ADAM18: variants seen among roughly 807,000 people sequenced by gnomAD.
ADAM18 encodes disintegrin and metalloproteinase domain-containing protein 18.
In ADAM18, 117 loss-of-function variants were observed where a neutral mutation model predicts 94.4. The observed-to-expected ratio is 1.24, with a 90% CI of 1.07 to 1.45. ADAM18 has a LOEUF of 1.45. Among genes scored for constraint, ADAM18 ranks in the 40% most tolerant of loss-of-function variants. The pLI is 0.00. For synonymous variants in ADAM18, 327 were observed against 291.6 expected (o/e 1.12, Z -1.24); for missense variants, 936 against 880.0 (o/e 1.06, Z -0.81).
At chr8:39,679,918 G>C in intron 15 of ADAM18, 119 bp from the exon 16 acceptor site, 1 of 899,064 alleles carries the variant, frequency 1.1e-6, no homozygotes, top group South Asian at 1.6e-5. Context: ...GTTTCAGTTT[G>C]GCATTTTTCA....
intron 6 of ADAM18, among the ~76,000 whole-genome samples, chr8:39,614,759 G>C (rs376244860): frequency 2.0e-5 from 3 of 152,160 alleles, no homozygotes; most frequent in Non-Finnish European, 2.9e-5. Flanking sequence ...GCAAGAGATG[G>C]AGAAAAATCT....
intron 6 of ADAM18, among the ~76,000 whole-genome samples, chr8:39,617,614 A>C (rs1372149674): frequency 1.3e-5 from 2 of 152,246 alleles, no homozygotes; most frequent in Non-Finnish European, 1.5e-5. Context: ...TGGAATGCAC[A>C]ATGAAAATCT....
At chr8:39,664,221 A>T (rs1387913090) in intron 13 of ADAM18, among the ~76,000 whole-genome samples, 1 of 152,180 alleles carries the variant, frequency 6.6e-6, no homozygotes, top group Non-Finnish European at 1.5e-5. Flanking sequence ...GCTGAATAGT[A>T]TTGCAAATAT....
chr8:39,655,492 A>G (rs1820659943), intron 12 of ADAM18, among the ~76,000 whole-genome samples: 1 of 152,178 alleles, frequency 6.6e-6, no homozygotes, highest in Non-Finnish European at 1.5e-5. Flanking sequence ...TGAGAAAAAA[A>G]GGAAAAGAGG....
At chr8:39,701,054 C>G (rs1194831652) in intron 17 of ADAM18, among the ~76,000 whole-genome samples, 2 of 124,380 alleles carry the variant, frequency 1.6e-5, no homozygotes, top group Admixed American at 1.0e-4. Context: ...GGAGGCGGAG[C>G]TTGCAGTGAG....
At chr8:39,590,453 G>GA (rs1321755383) in intron 2 of ADAM18, among the ~76,000 whole-genome samples, 7 of 152,192 alleles carry the variant, frequency 4.6e-5, no homozygotes, top group African/African-American at 1.7e-4. Flanking sequence ...GGGGAGAGGG[G>GA]AGGGATAGCA....
In ADAM18 at chr8:39,612,656, C is replaced by T. The variant is rs1034309794; in HGVS notation, c.522+1950C>T. Among the ~76,000 whole-genome samples the T allele has an allele frequency of 2.6e-5, 4 of 152,170 alleles. No homozygotes were observed. In the East Asian group the frequency reaches 5.8e-4, roughly 22 times the overall value. On this transcript the variant is annotated intron_variant, in intron 6 of 19. Transcript: ENST00000265707. ...ATTGTTGGACCTGGACAAAACAAGC[C>T]TGCCTTGCCTGTGGGACAAGGCCAT...
At chr8:39,633,961 G>C (rs1320494621) in intron 7 of ADAM18, among the ~76,000 whole-genome samples, 3 of 152,066 alleles carry the variant, frequency 2.0e-5, no homozygotes, top group East Asian at 3.9e-4. Flanking sequence ...ATCAACACAA[G>C]AGCAGAATAA....
intron 12 of ADAM18, among the ~76,000 whole-genome samples, chr8:39,655,104 G>A (rs1820650416): frequency 6.6e-6 from 1 of 151,634 alleles, no homozygotes; most frequent in Non-Finnish European, 1.5e-5. Flanking sequence ...AAAAAACTTA[G>A]CCCAATTTCC....
At chr8:39,672,245 G>A (rs1821176970) in intron 14 of ADAM18, among the ~76,000 whole-genome samples, 1 of 152,172 alleles carries the variant, frequency 6.6e-6, no homozygotes, top group Non-Finnish European at 1.5e-5. Context: ...GAATGTGCTA[G>A]AGAAAGGGAT....
intron 10 of ADAM18, among the ~76,000 whole-genome samples, chr8:39,644,289 T>G (rs916588817): frequency 6.6e-6 from 1 of 152,082 alleles, no homozygotes; most frequent in Non-Finnish European, 1.5e-5. Context: ...TCAAATTTAT[T>G]TTTTGTTTTG....
intron 2 of ADAM18, among the ~76,000 whole-genome samples, chr8:39,604,954 G>A (rs190134755): frequency 4.9e-4 from 75 of 152,252 alleles, no homozygotes; most frequent in African/African-American, 1.8e-3. Context: ...CATTGGAGTG[G>A]AGATTGTGTC....
At chr8:39,623,283 T>C (rs752272286) in intron 6 of ADAM18, among the ~76,000 whole-genome samples, 1 of 152,210 alleles carries the variant, frequency 6.6e-6, no homozygotes, top group Non-Finnish European at 1.5e-5. Flanking sequence ...ATCTTTGAAA[T>C]AATGAATTGT....
Position 39,638,431 on chromosome 8 carries a change from A to G in ADAM18, c.828-34A>G, listed in dbSNP as rs753374256. 21 of 1,406,148 alleles carry G rather than the reference A, an allele frequency of 1.5e-5. 1 individual carries two copies. The South Asian group carries it at 1.9e-4, about 13-fold the overall frequency. 87.1% of individuals were successfully genotyped at this position (1,406,148 alleles called of 1,614,324 possible). A position where few individuals can be genotyped will look rare whatever the true frequency, so the allele number is the denominator to read the frequency against. On this transcript the variant is annotated intron_variant, in intron 9 of 19. Coordinates refer to ENST00000265707, the MANE Select transcript of ADAM18 (RefSeq NM_014237.3). Reference sequence around the variant, plus strand: ...TACATAAGCTTACAAATTGTTTTGCATAACTACGTTAATAAAAAATTATAA... The same window carrying G: ...TACATAAGCTTACAAATTGTTTTGCGTAACTACGTTAATAAAAAATTATAA...
chr8:39,612,900 T>C, intron 6 of ADAM18, among the ~76,000 whole-genome samples: 1 of 152,140 alleles, frequency 6.6e-6, no homozygotes, highest in South Asian at 2.1e-4. Context: ...ACTTTGTTGG[T>C]GCACACTCAC....
intron 17 of ADAM18, among the ~76,000 whole-genome samples, chr8:39,703,289 G>A (rs1822140408): frequency 1.3e-5 from 2 of 152,044 alleles, no homozygotes; most frequent in East Asian, 1.9e-4. Flanking sequence ...GTTGACTGTT[G>A]TTGGTGTATC....
chr8:39,702,665 G>A (rs1483528401), intron 17 of ADAM18, among the ~76,000 whole-genome samples: 2 of 152,116 alleles, frequency 1.3e-5, no homozygotes, highest in Non-Finnish European at 2.9e-5. Flanking sequence ...TTTGTATATG[G>A]TGTAAGGAAG....
chr8:39,640,476 C>T (rs1820206689), intron 10 of ADAM18, among the ~76,000 whole-genome samples: 1 of 152,010 alleles, frequency 6.6e-6, no homozygotes, highest in South Asian at 2.1e-4. Context: ...GTGACTAGTG[C>T]TGCAATAAAT....
intron 17 of ADAM18, among the ~76,000 whole-genome samples, chr8:39,700,899 G>A (rs1218466307): frequency 6.6e-6 from 1 of 151,410 alleles, no homozygotes; most frequent in Non-Finnish European, 1.5e-5. Context: ...CGGATCACGA[G>A]GTCAGGAGAT....
Sources: allele counts gnomAD v4.1 joint callset (sites outside exome capture counted in the v4.1 genomes callset), GRCh38; gene constraint gnomAD v4.1.1; transcripts MANE v1.5; gene names NCBI Gene and HGNC (gene_info 2026-07-23, HGNC 2026-07-21).